SYT1: variants seen among roughly 807,000 people sequenced by gnomAD.
SYT1 encodes synaptotagmin 1.
A neutral mutation model predicts 44.8 loss-of-function variants in SYT1; 8 were observed. The observed-to-expected ratio is 0.18, with a 90% CI of 0.10 to 0.32. The LOEUF (loss-of-function observed/expected upper bound fraction) is 0.32. Ranked by LOEUF, SYT1 falls within the 10% of genes least tolerant of loss-of-function variation. SYT1 has a pLI of 1.00. For synonymous variants in SYT1, 154 were observed against 188.8 expected, an observed-to-expected ratio of 0.82 and a Z score of 1.51; for missense variants, 286 against 509.3, an observed-to-expected ratio of 0.56 and a Z score of 4.22.
At position 79,311,745 on chromosome 12, in the gene SYT1, A is replaced by G. The variant is rs1358760167; in HGVS notation, c.810+12194A>G. On this transcript the variant is annotated intron_variant, in intron 8 of 10. Transcript: ENST00000261205. ...GACATGGATGAAATTGGAAATCATC[A>G]TTCTCAGTAAACTATCGCAAGGACA... 2.7e-5 allele frequency among the ~76,000 whole-genome samples: 4 copies of G among 147,330 alleles called. No individual in the cohort carries two copies. The East Asian group carries it at 6.0e-4, about 22-fold the overall frequency.
chr12:79,113,871 G>T (rs1265852800), intron 3 of SYT1, among the ~76,000 whole-genome samples: 3 of 152,058 alleles, frequency 2.0e-5, no homozygotes, highest in African/African-American at 7.2e-5. Context: ...GATTTTCATA[G>T]TCCTATCTAA....
intron 2 of SYT1, among the ~76,000 whole-genome samples, chr12:78,988,886 C>A (rs975500115): frequency 6.6e-5 from 10 of 151,960 alleles, no homozygotes; most frequent in African/African-American, 2.4e-4. Context: ...GCAGATAGAA[C>A]AATAGAAGTT....
intron 3 of SYT1, among the ~76,000 whole-genome samples, chr12:79,107,771 G>T (rs1003715000): frequency 6.6e-6 from 1 of 151,872 alleles, no homozygotes; most frequent in Non-Finnish European, 1.5e-5. Context: ...TTGTATCACT[G>T]ATGACTGCTT....
At chr12:79,038,555 C>G (rs1302325759) in intron 2 of SYT1, among the ~76,000 whole-genome samples, 2 of 151,956 alleles carry the variant, frequency 1.3e-5, no homozygotes, top group African/African-American at 4.8e-5. Flanking sequence ...AGATATGTAA[C>G]AAAATCCCTT....
intron 6 of SYT1, among the ~76,000 whole-genome samples, chr12:79,294,995 A>C (rs1879810339): frequency 6.6e-6 from 1 of 152,174 alleles, no homozygotes. Flanking sequence ...GCACTTAAGT[A>C]CACGGTGGGT....
intron 3 of SYT1, among the ~76,000 whole-genome samples, chr12:79,093,681 G>C (rs975052109): frequency 6.6e-6 from 1 of 151,184 alleles, no homozygotes; most frequent in Non-Finnish European, 1.5e-5. Context: ...TCTTCATTCT[G>C]AAACAACCTT....
At chr12:79,131,914 T>C (rs911000776) in intron 3 of SYT1, among the ~76,000 whole-genome samples, 1 of 152,242 alleles carries the variant, frequency 6.6e-6, no homozygotes, top group African/African-American at 2.4e-5. Context: ...GGAAGTTAGC[T>C]ATACATGTAT....
intron 3 of SYT1, among the ~76,000 whole-genome samples, chr12:79,127,988 A>G (rs1868549682): frequency 1.3e-5 from 2 of 152,230 alleles, no homozygotes; most frequent in Admixed American, 1.3e-4. Flanking sequence ...GTAGACAGAA[A>G]AACAGAAACA....
rs568291189 is a variant in SYT1 at position 79,006,628 on chromosome 12, A to T, written c.-84+28697A>T. ...TCTGTTTTATTTATTTGTGTGTGTGAATTTTTTCTTTTGTTTTGGGTTTTG... is the reference window on the plus strand; with the variant it reads ...TCTGTTTTATTTATTTGTGTGTGTGTATTTTTTCTTTTGTTTTGGGTTTTG... On this transcript the variant is annotated intron_variant, in intron 2 of 10. Transcript: ENST00000261205. Among the ~76,000 whole-genome samples the T allele has an allele frequency of 4.2e-4, 64 of 152,104 alleles. No homozygotes were observed. In the South Asian group the frequency reaches 7.3e-3, roughly 17 times the overall value.
At position 78,931,160 on chromosome 12, in the gene SYT1, G is replaced by GGAAA. The variant is rs1222980201; in HGVS notation, c.-216-46622_-216-46619dup. On this transcript the variant is annotated intron_variant, in intron 1 of 10. Transcript: ENST00000261205. ...CTGGGCAGCAAGAGTGAAAGTCTGT[G>GGAAA]GAAAGAAAGAAAGAAAGAAAAAGAA... is the stretch of plus-strand genomic sequence containing the variant. Among the ~76,000 whole-genome samples the GGAAA allele has an allele frequency of 7.9e-4, 93 of 118,104 alleles. 7 individuals are homozygous for GGAAA. The highest frequency in any genetic ancestry group is 3.0e-3 in the African/African-American group (87 of 29,228). 77.5% of individuals were successfully genotyped at this position (118,104 alleles called of 152,430 possible). A position where few individuals can be genotyped will look rare whatever the true frequency, so the allele number is the denominator to read the frequency against.
At chr12:79,152,262 A>G (rs1340464341) in intron 3 of SYT1, among the ~76,000 whole-genome samples, 1 of 152,170 alleles carries the variant, frequency 6.6e-6, no homozygotes, top group Non-Finnish European at 1.5e-5. Context: ...GATGATGTAG[A>G]TATGTTACAG....
intron 3 of SYT1, among the ~76,000 whole-genome samples, chr12:79,062,469 TATC>T (rs1159019634): frequency 6.6e-6 from 1 of 152,184 alleles, no homozygotes; most frequent in East Asian, 1.9e-4. Context: ...GAGTGCTTAT[TATC>T]ATTCTGAAAA....
intron 3 of SYT1, among the ~76,000 whole-genome samples, chr12:79,073,289 T>G (rs1033125336): frequency 3.3e-5 from 5 of 152,076 alleles, no homozygotes; most frequent in Non-Finnish European, 1.5e-5. Flanking sequence ...ACTAAAAAGT[T>G]TTTTGTTGCT....
At chr12:79,050,274 G>T (rs1006022252) in intron 3 of SYT1, among the ~76,000 whole-genome samples, 3 of 152,016 alleles carry the variant, frequency 2.0e-5, no homozygotes, top group South Asian at 2.1e-4. Flanking sequence ...CATCATAAAG[G>T]TCTCCATCCT....
chr12:79,236,549 C>T (rs1876202219), intron 4 of SYT1, among the ~76,000 whole-genome samples: 2 of 152,146 alleles, frequency 1.3e-5, no homozygotes, highest in African/African-American at 4.8e-5. Context: ...TGCTGAATAC[C>T]AGTATTACTC....
At chr12:79,022,241 A>G (rs1872240620) in intron 2 of SYT1, among the ~76,000 whole-genome samples, 1 of 151,824 alleles carries the variant, frequency 6.6e-6, no homozygotes. Context: ...TGAGTCTCTT[A>G]GATAGGGTAA....
At chr12:79,161,145 C>A in intron 3 of SYT1, among the ~76,000 whole-genome samples, 1 of 152,120 alleles carries the variant, frequency 6.6e-6, no homozygotes, top group Non-Finnish European at 1.5e-5. Flanking sequence ...GATGCTAAGG[C>A]AGAAGGATCA....
chr12:78,868,860 G>C (rs1425435901), intron 1 of SYT1: 1 of 151,618 alleles, frequency 6.6e-6, no homozygotes, highest in South Asian at 2.1e-4. Flanking sequence ...ATTTTTATAT[G>C]TATCATGATT....
At chr12:79,164,700 A>G (rs1243458909) in intron 3 of SYT1, among the ~76,000 whole-genome samples, 1 of 152,088 alleles carries the variant, frequency 6.6e-6, no homozygotes, top group Non-Finnish European at 1.5e-5. Context: ...GTGCAGTAAC[A>G]GGCATTTGGA....
Sources: gnomAD v4.1 joint callset for allele counts (sites outside exome capture counted in the v4.1 genomes callset) on GRCh38, gnomAD v4.1.1 for gene constraint, MANE v1.5 for transcripts, NCBI Gene and HGNC (gene_info 2026-07-23, HGNC 2026-07-21) for gene names.